The following NFIB variants were observed in gnomAD, a reference collection of about 807,000 sequenced individuals.
NFIB encodes the protein nuclear factor 1 B-type.
NFIB carries 11 observed loss-of-function variants against 61.5 expected under a neutral mutation model. That is an observed-to-expected ratio of 0.18 (90% CI 0.11 to 0.30). NFIB has a LOEUF of 0.30. Ranked by LOEUF, NFIB falls within the 10% of genes least tolerant of loss-of-function variation. The pLI, the probability that NFIB is intolerant of heterozygous loss-of-function variation, is 1.00. For synonymous variants in NFIB, 260 were observed against 216.5 expected (o/e 1.20, Z -1.76); for missense variants, 471 against 608.9 (o/e 0.77, Z 2.38).
the NFIB span, among the ~76,000 whole-genome samples, chr9:14,463,581 A>T: frequency 6.6e-6 from 1 of 150,456 alleles, no homozygotes; most frequent in Non-Finnish European, 1.5e-5. Context: ...AATTTTCCCC[A>T]CATTTTATTA....
the NFIB span, among the ~76,000 whole-genome samples, chr9:14,511,203 A>G: frequency 6.6e-6 from 1 of 152,202 alleles, no homozygotes; most frequent in African/African-American, 2.4e-5. Context: ...AGAAGAAAAA[A>G]GTAACTAATT....
chr9:14,214,065 C>T (rs1394564482), intron 2 of NFIB, among the ~76,000 whole-genome samples: 1 of 152,154 alleles, frequency 6.6e-6, no homozygotes, highest in East Asian at 1.9e-4. Context: ...CTCCTCAACC[C>T]TTCTTTATTA....
At chr9:14,295,654 A>AAAC (rs916861981) in intron 2 of NFIB, among the ~76,000 whole-genome samples, 1 of 151,932 alleles carries the variant, frequency 6.6e-6, no homozygotes, top group African/African-American at 2.4e-5. Flanking sequence ...ACAAACAAAC[A>AAAC]AACAAACAAA....
At chr9:14,406,980 T>A in the NFIB span, among the ~76,000 whole-genome samples, 1 of 152,236 alleles carries the variant, frequency 6.6e-6, no homozygotes, top group Non-Finnish European at 1.5e-5. Context: ...AATGCAGAGA[T>A]TGCATCAGTA....
chr9:14,218,755 A>G (rs1286467752), intron 2 of NFIB, among the ~76,000 whole-genome samples: 3 of 152,190 alleles, frequency 2.0e-5, no homozygotes, highest in African/African-American at 7.2e-5. Context: ...ACTTATTTAA[A>G]TGCATTGGCC....
Position 14,386,695 on chromosome 9 carries a change from T to C in NFIB, c.108+11829A>G, listed in dbSNP as rs7023065. Among the ~76,000 whole-genome samples the C allele has an allele frequency of 2.6e-3, 391 of 152,322 alleles. 3 individuals are homozygous for C. The highest frequency in any genetic ancestry group is 8.8e-3 in the African/African-American group (366 of 41,582). ...TGCCAGTGTTTAAAGTTCAGTATGA[T>C]GAATGTTAGTGCTTCTATTTTTATA... On this transcript the variant is annotated intron_variant, in intron 1 of 8. Coordinates refer to the NFIB transcript ENST00000380934.
At chr9:14,403,794 TTCTC>T (rs889736976), upstream of NFIB, among the ~76,000 whole-genome samples, 1 of 152,180 alleles carries the variant, frequency 6.6e-6, no homozygotes, top group African/African-American at 2.4e-5. Flanking sequence ...AAGCAAATCT[TTCTC>T]TGTCAAAGAG....
chr9:14,291,464 G>A (rs905878880), intron 2 of NFIB, among the ~76,000 whole-genome samples: 26 of 152,104 alleles, frequency 1.7e-4, no homozygotes, highest in Admixed American at 3.9e-4. Context: ...CAGTCTGGGC[G>A]ACAGAGACTC....
chr9:14,427,072 A>T, the NFIB span, among the ~76,000 whole-genome samples: 1 of 152,156 alleles, frequency 6.6e-6, no homozygotes, highest in African/African-American at 2.4e-5. Context: ...ATTCCCAACT[A>T]AGGGTTAAAT....
At chr9:14,184,128 G>C (rs761488960) in intron 2 of NFIB, among the ~76,000 whole-genome samples, 7 of 151,950 alleles carry the variant, frequency 4.6e-5, no homozygotes, top group Non-Finnish European at 1.0e-4. Flanking sequence ...TTTTTCCTAT[G>C]ACCCAATTTT....
chr9:14,260,009 A>G (rs1478025220), intron 2 of NFIB, among the ~76,000 whole-genome samples: 2 of 152,194 alleles, frequency 1.3e-5, no homozygotes, highest in African/African-American at 4.8e-5. Flanking sequence ...CAACCTGAAG[A>G]TGGATTCGTG....
At chr9:14,455,941 A>G in the NFIB span, among the ~76,000 whole-genome samples, 1 of 152,206 alleles carries the variant, frequency 6.6e-6, no homozygotes. Context: ...AAACATATAC[A>G]AGTTCATTCG....
At chr9:14,382,948 G>A (rs1283471955) in intron 1 of NFIB, among the ~76,000 whole-genome samples, 1 of 152,120 alleles carries the variant, frequency 6.6e-6, no homozygotes, top group Non-Finnish European at 1.5e-5. Context: ...TTCTCAGGCT[G>A]GGTATCTGGA....
intron 7 of NFIB, among the ~76,000 whole-genome samples, chr9:14,124,218 G>A (rs1315925796): frequency 6.6e-6 from 1 of 152,070 alleles, no homozygotes; most frequent in African/African-American, 2.4e-5. Flanking sequence ...TTTTTTTCAC[G>A]TTAGAAATAA....
rs546090773 is a variant in NFIB, at chr9:14,137,532, A to G, written c.925+9157T>C. Among the ~76,000 whole-genome samples, 9 of 152,302 alleles carry G rather than the reference A, an allele frequency of 5.9e-5. No homozygotes were observed. The South Asian group carries it at 1.4e-3, about 25-fold the overall frequency. On this transcript the variant is annotated intron_variant, in intron 6 of 10. Transcript: ENST00000380953. ...CTCCAATAGATTCAAAATCTAAAAT[A>G]TTAGAACACAAATCTTAGTATACAA...
At chr9:14,365,282 G>T (rs1032269770) in intron 1 of NFIB, among the ~76,000 whole-genome samples, 4 of 152,128 alleles carry the variant, frequency 2.6e-5, no homozygotes, top group Non-Finnish European at 4.4e-5. Context: ...CATTTTATTT[G>T]TTTCCTGCTT....
chr9:14,322,205 G>A (rs1300260652), intron 1 of NFIB: 19 of 948,044 alleles, frequency 2.0e-5, no homozygotes, highest in Middle Eastern at 7.7e-4. Context: ...CTAAAAGCAG[G>A]CAGCCCTTCA....
chr9:14,517,019 C>T, the NFIB span, among the ~76,000 whole-genome samples: 2 of 152,178 alleles, frequency 1.3e-5, no homozygotes, highest in African/African-American at 4.8e-5. Context: ...CAACTGTTGG[C>T]ATTAGGGATT....
intron 10 of NFIB, among the ~76,000 whole-genome samples, chr9:14,099,915 T>C (rs1482650644): frequency 6.6e-6 from 1 of 151,950 alleles, no homozygotes; most frequent in East Asian, 1.9e-4. Context: ...GTGCTAAAAA[T>C]ACAAAAGTTA....
Sources: allele counts gnomAD v4.1 joint callset (sites outside exome capture counted in the v4.1 genomes callset), GRCh38; gene constraint gnomAD v4.1.1; transcripts MANE v1.5; gene names NCBI Gene and HGNC (gene_info 2026-07-23, HGNC 2026-07-21).